KCNJ6: variants seen among roughly 807,000 people sequenced by gnomAD.
KCNJ6 encodes potassium inwardly rectifying channel subfamily J member 6.
A neutral mutation model predicts 34.2 loss-of-function variants in KCNJ6; 9 were observed. That is an observed-to-expected ratio of 0.26 (90% CI 0.16 to 0.46). The LOEUF is 0.46. Among genes scored for constraint, KCNJ6 ranks in the 20% least tolerant of loss-of-function variants. KCNJ6 has a pLI of 1.00. For synonymous variants in KCNJ6, 196 were observed against 207.1 expected (o/e 0.95, Z 0.46); for missense variants, 236 against 531.3 (o/e 0.44, Z 5.46).
chr21:37,866,693 G>A (rs933490805), intron 1 of KCNJ6, among the ~76,000 whole-genome samples: 10 of 152,152 alleles, frequency 6.6e-5, no homozygotes, highest in Non-Finnish European at 1.2e-4. Context: ...CAATTCCCAC[G>A]AAACAGCACT....
At chr21:37,853,846 G>GTATGTA (rs1555850323) in intron 1 of KCNJ6, among the ~76,000 whole-genome samples, 1 of 115,956 alleles carries the variant, frequency 8.6e-6, no homozygotes, top group South Asian at 2.6e-4. Context: ...ATATATATAT[G>GTATGTA]TATATATATA....
At chr21:37,691,429 T>C (rs2054639151) in intron 3 of KCNJ6, among the ~76,000 whole-genome samples, 1 of 152,184 alleles carries the variant, frequency 6.6e-6, no homozygotes, top group African/African-American at 2.4e-5. Flanking sequence ...GCTGGGCATT[T>C]TGACACCCTC....
intron 3 of KCNJ6, among the ~76,000 whole-genome samples, chr21:37,707,836 G>A (rs528591778): frequency 1.6e-4 from 24 of 146,144 alleles, no homozygotes; most frequent in African/African-American, 5.9e-4. Context: ...TTGTATTACT[G>A]AATGCCCTAG....
At chr21:37,871,719 C>A (rs1464282398) in intron 1 of KCNJ6, among the ~76,000 whole-genome samples, 3 of 152,196 alleles carry the variant, frequency 2.0e-5, no homozygotes, top group Non-Finnish European at 4.4e-5. Flanking sequence ...TCTAGATAAA[C>A]AGTGATGGAG....
At chr21:37,762,246 ACTTAGCATCCAG>A (rs2055069071) in intron 2 of KCNJ6, among the ~76,000 whole-genome samples, 1 of 152,102 alleles carries the variant, frequency 6.6e-6, no homozygotes, top group Non-Finnish European at 1.5e-5. Context: ...GTGTCCCCGC[ACTTAGCATCCAG>A]CACAGATGGC....
chr21:37,720,785 G>A (rs1241422634), intron 2 of KCNJ6, among the ~76,000 whole-genome samples: 1 of 149,474 alleles, frequency 6.7e-6, no homozygotes, highest in Admixed American at 6.7e-5. Context: ...TCGGCTCACT[G>A]CAAGCTCCGC....
intron 1 of KCNJ6, among the ~76,000 whole-genome samples, chr21:37,880,844 A>G (rs1315084981): frequency 2.0e-5 from 3 of 152,228 alleles, no homozygotes; most frequent in Non-Finnish European, 4.4e-5. Context: ...CTCATCCTCC[A>G]AGGAAAACAG....
chr21:37,698,376 C>T (rs1362855705), intron 3 of KCNJ6, among the ~76,000 whole-genome samples: 2 of 152,332 alleles, frequency 1.3e-5, no homozygotes, highest in African/African-American at 2.4e-5. Flanking sequence ...GGTGCCCACT[C>T]GAAGAGCGGT....
chr21:37,884,291 G>A (rs1025436966), intron 1 of KCNJ6, among the ~76,000 whole-genome samples: 4 of 152,164 alleles, frequency 2.6e-5, no homozygotes, highest in African/African-American at 4.8e-5. Flanking sequence ...GCAGCTTAGA[G>A]GGAGGCACAG....
intron 3 of KCNJ6, among the ~76,000 whole-genome samples, chr21:37,665,808 G>C (rs1569441376): frequency 6.6e-6 from 1 of 152,200 alleles, no homozygotes; most frequent in Non-Finnish European, 1.5e-5. Flanking sequence ...CAATTATCTC[G>C]ACAGAGAGTT....
intron 3 of KCNJ6, among the ~76,000 whole-genome samples, chr21:37,674,132 G>A (rs557114340): frequency 4.2e-4 from 64 of 152,136 alleles, no homozygotes; most frequent in Non-Finnish European, 8.1e-4. Context: ...GGAACTCAAC[G>A]GCATCTTTTT....
At chr21:37,888,812 C>T (rs2055748054) in intron 1 of KCNJ6, among the ~76,000 whole-genome samples, 1 of 152,192 alleles carries the variant, frequency 6.6e-6, no homozygotes, top group South Asian at 2.1e-4. Flanking sequence ...GTTGGAGTGA[C>T]AGGTGGGGTG....
At chr21:37,776,805 TTC>T (rs1204042039) in intron 2 of KCNJ6, among the ~76,000 whole-genome samples, 2 of 152,230 alleles carry the variant, frequency 1.3e-5, no homozygotes, top group East Asian at 3.8e-4. Context: ...TGGTCTAAAA[TTC>T]TCTTTTTTTG....
chr21:37,690,739 CAT>C (rs1307179915), intron 3 of KCNJ6, among the ~76,000 whole-genome samples: 1 of 151,674 alleles, frequency 6.6e-6, no homozygotes, highest in Admixed American at 6.6e-5. Context: ...ATCAAAGTAA[CAT>C]ATTAATGGGT....
intron 1 of KCNJ6, among the ~76,000 whole-genome samples, chr21:37,853,146 A>T (rs966090541): frequency 2.7e-4 from 33 of 120,384 alleles, no homozygotes; most frequent in East Asian, 6.6e-4. Flanking sequence ...TTTTCAAATT[A>T]AAAAAAAAAA....
chr21:37,849,136 G>A (rs760540339), intron 1 of KCNJ6, among the ~76,000 whole-genome samples: 8 of 152,324 alleles, frequency 5.3e-5, no homozygotes, highest in Middle Eastern at 3.4e-3. Context: ...GCCCATGCCC[G>A]TGGTGGACAA....
intron 2 of KCNJ6, among the ~76,000 whole-genome samples, chr21:37,731,100 AG>A (rs10577018): frequency 0.28 from 37,500 of 134,696 alleles, 4,910 homozygotes; most frequent in East Asian, 0.57. Context: ...AGATGAGAGA[AG>A]TGTGTGTGTG....
At chr21:37,877,284 T>C (rs1344034980) in intron 1 of KCNJ6, among the ~76,000 whole-genome samples, 1 of 152,208 alleles carries the variant, frequency 6.6e-6, no homozygotes, top group Non-Finnish European at 1.5e-5. Flanking sequence ...GCAGTACCAT[T>C]CTTCCCTGCC....
chr21:37,859,489 A>T (rs80245457), intron 1 of KCNJ6, among the ~76,000 whole-genome samples: 4 of 6,962 alleles, frequency 5.7e-4, no homozygotes, highest in Admixed American at 2.2e-3. Context: ...ATATTACTTT[A>T]TATATATATA....
Sources: allele counts gnomAD v4.1 joint callset (sites outside exome capture counted in the v4.1 genomes callset), GRCh38; gene constraint gnomAD v4.1.1; transcripts MANE v1.5; gene names NCBI Gene and HGNC (gene_info 2026-07-23, HGNC 2026-07-21).